The following SOBP variants were observed in gnomAD, a reference collection of about 807,000 sequenced individuals.
The protein encoded by SOBP is sine oculis-binding protein homolog.
Under a neutral mutation model 53.6 loss-of-function variants are expected in SOBP, and 4 were observed. That is an observed-to-expected ratio of 0.07 (90% confidence interval 0.04 to 0.17). SOBP has a LOEUF of 0.17. SOBP is among the 10% of genes least tolerant of loss of function. The probability of loss-of-function intolerance (pLI) is 1.00; values close to 1 mark genes in which losing one functional copy is unlikely to be tolerated. For missense variants in SOBP, 1,088 were observed against 1,204.7 expected (o/e 0.90, Z 1.43); for synonymous variants, 584 against 522.6 (o/e 1.12, Z -1.60).
intron 5 of SOBP, among the ~76,000 whole-genome samples, chr6:107,624,983 G>C (rs1238143864): frequency 1.3e-5 from 2 of 152,204 alleles, no homozygotes; most frequent in African/African-American, 4.8e-5. Context: ...TTTGAAGCCA[G>C]ACAGATTTAA....
intron 6 of SOBP, among the ~76,000 whole-genome samples, chr6:107,640,730 G>A (rs1562122273): frequency 6.6e-6 from 1 of 152,202 alleles, no homozygotes; most frequent in African/African-American, 2.4e-5. Context: ...ATCAGGTTAT[G>A]ATGGAATATG....
chr6:107,602,472 C>T (rs1378619486), intron 5 of SOBP, among the ~76,000 whole-genome samples: 3 of 148,548 alleles, frequency 2.0e-5, no homozygotes, highest in Non-Finnish European at 3.0e-5. Flanking sequence ...AAATCACATT[C>T]AGGCAAATTT....
At position 107,533,441 on chromosome 6, in the gene SOBP, C is replaced by CT. The variant is rs1317766460; in HGVS notation, c.422-16dup. ...GTTTGCTTCTGATATGAACATTTTTCTTATACTTTTATTATAGAAGATGAT... is the reference window on the plus strand; with the variant it reads ...GTTTGCTTCTGATATGAACATTTTTCTTTATACTTTTATTATAGAAGATGAT... On this transcript the variant is annotated splice_polypyrimidine_tract_variant and intron_variant, in intron 3 of 6. Coordinates refer to ENST00000317357, the MANE Select transcript of SOBP (RefSeq NM_018013.4). 2 of 1,613,830 alleles carry CT rather than the reference C, an allele frequency of 1.2e-6. No individual in the cohort carries two copies. The highest frequency in any genetic ancestry group is 3.3e-5 in the Admixed American group (2 of 60,010).
chr6:107,634,864 G>T lies in SOBP; in HGVS notation c.2020G>T (p.Ala674Ser). The T allele has an allele frequency of 7.2e-7, 1 of 1,385,476 alleles. No individual in the cohort carries two copies. Among genetic ancestry groups the T allele is most frequent in the Non-Finnish European group, 9.4e-7 (1 of 1,064,062 alleles). 85.8% of individuals were successfully genotyped at this position (1,385,476 alleles called of 1,614,324 possible). A position where few individuals can be genotyped will look rare whatever the true frequency, so the allele number is the denominator to read the frequency against. ...LHNVIHRALHAHVKAEREPSA... is the reference protein window; with the variant it reads ...LHNVIHRALHSHVKAEREPSA... ...CAACGTGATCCACCGCGCGCTGCACGCGCACGTCAAGGCGGAGCGCGAGCC... is the reference window on the plus strand; with the variant it reads ...CAACGTGATCCACCGCGCGCTGCACTCGCACGTCAAGGCGGAGCGCGAGCC... The change falls in exon 6 of 7, where the codon GCG (alanine) becomes TCG (serine). Residue 674 changes from alanine (A) to serine (S), a missense_variant. Coordinates refer to ENST00000317357, the MANE Select transcript of SOBP (RefSeq NM_018013.4). This position sits in a 1 kb window ranked among gnomAD's most constrained non-coding sequence, Gnocchi z 4.5.
In SOBP at chr6:107,490,452, T is replaced by G. The variant is rs1434149266; in HGVS notation, c.-165T>G. The G allele has an allele frequency of 3.1e-5, 18 of 583,402 alleles. No individual in the cohort carries two copies. The highest frequency in any genetic ancestry group is 5.5e-5 in the Non-Finnish European group (18 of 328,526). The allele number at this position is 583,402 out of a possible 1,614,324, so 36.1% of individuals were successfully genotyped here. Reference sequence around the variant, plus strand: ...CCGCCGCTAGAAGAGACCCCGCTTCTCGGCGCCTGCCCTCCCCCTCGCGGC... The same window carrying G: ...CCGCCGCTAGAAGAGACCCCGCTTCGCGGCGCCTGCCCTCCCCCTCGCGGC... On this transcript the variant is annotated 5_prime_UTR_variant, in exon 1 of 7. Coordinates refer to ENST00000317357, the MANE Select transcript of SOBP (RefSeq NM_018013.4).
chr6:107,492,730 T>C (rs899501941), intron 1 of SOBP, among the ~76,000 whole-genome samples: 7 of 152,206 alleles, frequency 4.6e-5, no homozygotes, highest in African/African-American at 9.6e-5. Flanking sequence ...TAAAATATTA[T>C]TTTCCTTCCA....
At chr6:107,534,906 T>A (rs1374630991) in intron 4 of SOBP, among the ~76,000 whole-genome samples, 1 of 152,112 alleles carries the variant, frequency 6.6e-6, no homozygotes, top group Non-Finnish European at 1.5e-5. Context: ...TATAGGGGGA[T>A]TAAAATGATC....
chr6:107,602,574 A>C (rs1786221849), intron 5 of SOBP, among the ~76,000 whole-genome samples: 1 of 151,506 alleles, frequency 6.6e-6, no homozygotes, highest in Non-Finnish European at 1.5e-5. Context: ...GCGTTAAAAA[A>C]AAAAAAAAAA....
chr6:107,566,838 G>A (rs1784932273), intron 4 of SOBP, among the ~76,000 whole-genome samples: 1 of 152,204 alleles, frequency 6.6e-6, no homozygotes, highest in African/African-American at 2.4e-5. Context: ...AACAGGGTGT[G>A]TCATGGGTTG....
At chr6:107,521,820 C>G (rs1227442633) in intron 3 of SOBP, among the ~76,000 whole-genome samples, 1 of 151,780 alleles carries the variant, frequency 6.6e-6, no homozygotes, top group Non-Finnish European at 1.5e-5. Flanking sequence ...GTGCTGAGGT[C>G]CCAGGTCAGA....
At chr6:107,567,132 T>C (rs888694182) in intron 4 of SOBP, among the ~76,000 whole-genome samples, 1 of 152,188 alleles carries the variant, frequency 6.6e-6, no homozygotes, top group Admixed American at 6.5e-5. Flanking sequence ...AAGGACTCAC[T>C]TTTTTCCTGC....
intron 3 of SOBP, among the ~76,000 whole-genome samples, chr6:107,519,067 G>A (rs1170533139): frequency 1.3e-5 from 2 of 149,370 alleles, no homozygotes; most frequent in Non-Finnish European, 3.0e-5. Context: ...ACCCCTCTGT[G>A]GTCTACTTGA....
intron 4 of SOBP, among the ~76,000 whole-genome samples, chr6:107,540,167 A>G (rs1229819589): frequency 6.6e-6 from 1 of 152,228 alleles, no homozygotes; most frequent in Non-Finnish European, 1.5e-5. Flanking sequence ...TTTTTCTTGT[A>G]CACCTTTGCA....
intron 4 of SOBP, among the ~76,000 whole-genome samples, chr6:107,572,692 T>C (rs1281495301): frequency 6.6e-6 from 1 of 152,184 alleles, no homozygotes; most frequent in Non-Finnish European, 1.5e-5. Context: ...CTCCTCTCTG[T>C]CTTTGGTGAG....
At chr6:107,504,747 C>T (rs1023427461) in intron 2 of SOBP, among the ~76,000 whole-genome samples, 3 of 152,186 alleles carry the variant, frequency 2.0e-5, no homozygotes. Flanking sequence ...TGTAATTGAG[C>T]TGCCCTGCAG....
At chr6:107,653,477 CT>C (rs1771894694) in intron 6 of SOBP, among the ~76,000 whole-genome samples, 4 of 152,184 alleles carry the variant, frequency 2.6e-5, no homozygotes, top group Admixed American at 2.6e-4. Flanking sequence ...GAGTGGATCT[CT>C]GGTAGGGCCT....
At chr6:107,646,310 G>T (rs1419209935) in intron 6 of SOBP, among the ~76,000 whole-genome samples, 1 of 152,250 alleles carries the variant, frequency 6.6e-6, no homozygotes, top group Non-Finnish European at 1.5e-5. Context: ...ACAATGCACG[G>T]TGGAAGGAAA....
At chr6:107,608,164 C>T (rs1043066934) in intron 5 of SOBP, among the ~76,000 whole-genome samples, 1 of 152,146 alleles carries the variant, frequency 6.6e-6, no homozygotes, top group African/African-American at 2.4e-5. Context: ...CATCTTACAT[C>T]TTATACACCA....
Position 107,635,077 on chromosome 6 carries a change from C to G in SOBP, c.2233C>G (p.Pro745Ala). ...AKSAEPPPEQPPPPPPPAPPK... is the reference protein window; with the variant it reads ...AKSAEPPPEQAPPPPPPAPPK... ...GAGCGCGGAGCCGCCTCCCGAGCAG[C>G]CGCCGCCGCCGCCGCCGCCCGCGCC... Residue 745 changes from proline to alanine, a missense_variant, in exon 6 of 7, where the codon CCG becomes GCG. By Grantham distance (27) the Pro-to-Ala change is conservative. Coordinates refer to ENST00000317357, the MANE Select transcript of SOBP (RefSeq NM_018013.4). This position sits in a 1 kb window ranked among gnomAD's most constrained non-coding sequence, Gnocchi z 4.5. 1 of 1,447,472 alleles carries G rather than the reference C, an allele frequency of 6.9e-7. No homozygotes were observed. The highest frequency in any genetic ancestry group is 9.2e-7 in the Non-Finnish European group (1 of 1,084,798). 89.7% of individuals were successfully genotyped at this position (1,447,472 alleles called of 1,614,324 possible). A position where few individuals can be genotyped will look rare whatever the true frequency, so the allele number is the denominator to read the frequency against.
Sources: allele counts gnomAD v4.1 joint callset (sites outside exome capture counted in the v4.1 genomes callset), GRCh38; gene constraint gnomAD v4.1.1; non-coding constraint Gnocchi (gnomAD v3.1); transcripts MANE v1.5; gene names NCBI Gene and HGNC (gene_info 2026-07-23, HGNC 2026-07-21).